The following WDR91 variants were observed in gnomAD, a reference collection of about 807,000 sequenced individuals.
The protein encoded by WDR91 is WD repeat-containing protein 91.
A neutral mutation model predicts 88.4 loss-of-function variants in WDR91; 52 were observed. The observed-to-expected ratio is 0.59, with a 90% CI of 0.47 to 0.74. WDR91 has a LOEUF of 0.74. Ranked by LOEUF, WDR91 falls within the 30% of genes least tolerant of loss-of-function variation. The probability of loss-of-function intolerance (pLI) is 0.00; values close to 1 mark genes in which losing one functional copy is unlikely to be tolerated. For synonymous variants in WDR91, 362 were observed against 389.5 expected (o/e 0.93, Z 0.83); for missense variants, 824 against 954.5 (o/e 0.86, Z 1.80).
chr7:135,191,315 A>G (rs1362467415), intron 11 of WDR91, among the ~76,000 whole-genome samples: 1 of 152,220 alleles, frequency 6.6e-6, no homozygotes, highest in African/African-American at 2.4e-5. Context: ...TAATTTTTTA[A>G]ATGTAAGGCA....
At chr7:135,186,461 A>T in intron 14 of WDR91, 146 bp from the exon 15 acceptor site, 1 of 891,976 alleles carries the variant, frequency 1.1e-6, no homozygotes, top group Non-Finnish European at 1.7e-6. Context: ...TTTTTGAACC[A>T]GGAAATGCTT....
chr7:135,211,526 T>C lies in WDR91; in HGVS notation c.-24A>G, dbSNP rs773034594. 2 of 1,607,924 alleles carry C rather than the reference T, an allele frequency of 1.2e-6. No individual in the cohort carries two copies. Among genetic ancestry groups the C allele is most frequent in the Non-Finnish European group, 8.5e-7 (1 of 1,177,860 alleles). On this transcript the variant is annotated 5_prime_UTR_variant, in exon 1 of 15. Coordinates refer to ENST00000354475, the MANE Select transcript of WDR91 (RefSeq NM_014149.4). ...ATCGCAGCGCTAGCGTCTTTAGGGG[T>C]GGTGCGGTGAGGGACGGAGGGGCGG...
rs1831683452 is a variant in WDR91 at position 135,204,348 on chromosome 7, T to A, written c.811A>T (p.Lys271Ter). Residue 271 changes from lysine (K) to a stop codon, truncating the protein, a stop_gained, in exon 6 of 15, where the codon AAG becomes TAG. Transcript: ENST00000354475. LOFTEE classifies it high-confidence loss of function. ...FLSSLLPQSK[K>*]SPSRLSPAQG... The stretch of plus-strand genomic sequence containing the variant: ...GCAGGCGACAACCTTGAGGGGCTCT[T>A]CTTACTCTGAGGCAGCAGCGAGGAC... 6.2e-7 allele frequency: 1 copy of A among 1,614,026 alleles called. No homozygotes were observed. The highest frequency in any genetic ancestry group is 1.3e-5 in the African/African-American group (1 of 74,914).
At position 135,185,270 on chromosome 7, in the gene WDR91, TAG is replaced by T. The variant is rs1354122701; in HGVS notation, c.*879_*880del. The T allele has an allele frequency of 2.0e-5, 3 of 152,236 alleles. No individual in the cohort carries two copies. The highest frequency in any genetic ancestry group is 2.9e-5 in the Non-Finnish European group (2 of 68,038). The allele number at this position is 152,236 out of a possible 1,614,324, so 9.4% of individuals were successfully genotyped here. On this transcript the variant is annotated 3_prime_UTR_variant, in exon 15 of 15. Transcript: ENST00000354475. ...GTACAAAATTATTTAAAATACTGTA[TAG>T]AGTTACCTTCAGGCTACATGTATAA...
rs1216126346 is a variant in WDR91 at position 135,184,109 on chromosome 7, C to T, written c.*2042G>A. The T allele has an allele frequency of 6.6e-6, 1 of 152,180 alleles. No individual in the cohort carries two copies. The highest frequency in any genetic ancestry group is 1.5e-5 in the Non-Finnish European group (1 of 68,030). 9.4% of individuals were successfully genotyped at this position (152,180 alleles called of 1,614,324 possible). A position where few individuals can be genotyped will look rare whatever the true frequency, so the allele number is the denominator to read the frequency against. On this transcript the variant is annotated 3_prime_UTR_variant, in exon 15 of 15. Coordinates refer to ENST00000354475, the MANE Select transcript of WDR91 (RefSeq NM_014149.4). ...GATAAGTAAGATCACTGTTTCAATA[C>T]AGATGGGGAAAGATAATAAATAAAG...
chr7:135,207,172 T>G lies in WDR91; in HGVS notation c.542A>C (p.Glu181Ala). 6.2e-7 allele frequency: 1 copy of G among 1,607,912 alleles called. No individual in the cohort carries two copies. Among genetic ancestry groups the G allele is most frequent in the Non-Finnish European group, 8.5e-7 (1 of 1,175,688 alleles). Residue 181 changes from glutamate (E) to alanine (A), a missense_variant, in exon 4 of 15, where the codon GAG becomes GCG. By Grantham distance (107) the Glu-to-Ala change is moderately radical (BLOSUM62 -1). Coordinates refer to ENST00000354475, the MANE Select transcript of WDR91 (RefSeq NM_014149.4). Reference protein sequence around the residue: ...PVPVILNFDAECQRTNQVQEE... With the variant: ...PVPVILNFDAACQRTNQVQEE... ...TTGAACCTGGTTAGTCCTCTGACAC[T>G]CCGCATCAAAGTTCAGGATCACAGG...
rs372265706 is a variant in WDR91, at chr7:135,206,047, C to T, written c.606G>A (p.Leu202=). Residue 202 remains leucine, a synonymous_variant, in exon 5 of 15, where the codon TTG becomes TTA. Coordinates refer to ENST00000354475, the MANE Select transcript of WDR91 (RefSeq NM_014149.4). ...NEVLRQKLFA[L]QAEIHRLKKE... ...TCTTCAGTCGGTGGATTTCAGCTTG[C>T]AATGCAAAAAGCTATACAGGGGTGG... 1 of 1,614,050 alleles carries T rather than the reference C, an allele frequency of 6.2e-7. No individual in the cohort carries two copies. The highest frequency in any genetic ancestry group is 1.3e-5 in the African/African-American group (1 of 74,924).
Position 135,186,094 on chromosome 7 carries a change from TCTC to T in WDR91, c.*54_*56del. On this transcript the variant is annotated 3_prime_UTR_variant, in exon 15 of 15. Coordinates refer to ENST00000354475, the MANE Select transcript of WDR91 (RefSeq NM_014149.4). ...GAGCACGTGGTTTTCCTGTCCTATA[TCTC>T]CTCCCCCCACCGCAGATAATACTGC... 1.3e-6 allele frequency: 2 copies of T among 1,523,146 alleles called. No homozygotes were observed. Among genetic ancestry groups the T allele is most frequent in the South Asian group, 2.6e-5 (2 of 77,340 alleles). 94.4% of individuals were successfully genotyped at this position (1,523,146 alleles called of 1,614,324 possible). A position where few individuals can be genotyped will look rare whatever the true frequency, so the allele number is the denominator to read the frequency against.
chr7:135,197,926 A>AG (rs1289765048), intron 7 of WDR91, 67 bp downstream of exon 7: 11 of 1,543,300 alleles, frequency 7.1e-6, no homozygotes, highest in Middle Eastern at 1.7e-4. Context: ...AGAGAAGAGA[A>AG]GACCCCCCAC....
intron 1 of WDR91, 99 bp downstream of exon 1, chr7:135,211,281 G>A (rs1340825399): frequency 4.1e-6 from 6 of 1,464,940 alleles, no homozygotes; most frequent in Non-Finnish European, 5.4e-6. Context: ...CGGCGCGAGT[G>A]ACAGCGCCGC....
chr7:135,189,675 G>A (rs1252612419), intron 11 of WDR91, among the ~76,000 whole-genome samples: 2 of 152,190 alleles, frequency 1.3e-5, no homozygotes, highest in Non-Finnish European at 2.9e-5. Flanking sequence ...GGTTTCCATA[G>A]AGAAATGATA....
rs186197878 is a variant in WDR91 at position 135,197,464 on chromosome 7, A to G, written c.1050+529T>C. On this transcript the variant is annotated intron_variant, in intron 7 of 14. Transcript: ENST00000354475. ...GAGCAGGCTGTGGCCCACACTGGCC[A>G]GTGAGGGGAGTCCCCAGAGCCCAGG... 716 of 152,570 alleles carry G rather than the reference A, an allele frequency of 4.7e-3. 9 individuals carry two copies. Among genetic ancestry groups the G allele is most frequent in the Middle Eastern group, 0.017 (5 of 298 alleles). 9.5% of individuals were successfully genotyped at this position (152,570 alleles called of 1,614,324 possible).
At chr7:135,198,340 T>C in intron 6 of WDR91, 189 bp from the exon 7 acceptor site, 2 of 596,322 alleles carry the variant, frequency 3.4e-6, no homozygotes, top group Admixed American at 6.2e-5. Flanking sequence ...TTCTGTCCTC[T>C]ACCCGTTAAG....
At position 135,207,019 on chromosome 7, in the gene WDR91, G is replaced by A. The variant is rs768273593; in HGVS notation, c.594+101C>T. On this transcript the variant is annotated intron_variant, in intron 4 of 14. Coordinates refer to ENST00000354475, the MANE Select transcript of WDR91 (RefSeq NM_014149.4). ...TTTCCATCTGAGAAATTAGGTAGTG[G>A]CAGTGGAAACCTGATTAATATAGTG... is the stretch of plus-strand genomic sequence containing the variant. 4 of 795,510 alleles carry A rather than the reference G, an allele frequency of 5.0e-6. No individual in the cohort carries two copies. In the African/African-American group the frequency reaches 5.3e-5, roughly 11 times the overall value. 49.3% of individuals were successfully genotyped at this position (795,510 alleles called of 1,614,324 possible).
rs1454858306 is a variant in WDR91 at position 135,185,397 on chromosome 7, C to A, written c.*754G>T. The stretch of plus-strand genomic sequence containing the variant: ...AAATATTCCAAAGTCTGAAAAAATC[C>A]AAAATCTGTAACACTCCTGTCCCAA... On this transcript the variant is annotated 3_prime_UTR_variant, in exon 15 of 15. Transcript: ENST00000354475. 6.6e-6 allele frequency: 1 copy of A among 152,022 alleles called. No individual in the cohort carries two copies. The highest frequency in any genetic ancestry group is 6.6e-5 in the Admixed American group (1 of 15,266). The allele number at this position is 152,022 out of a possible 1,614,324, so 9.4% of individuals were successfully genotyped here.
chr7:135,197,296 A>C (rs1831409919), intron 7 of WDR91: 1 of 152,280 alleles, frequency 6.6e-6, no homozygotes, highest in Non-Finnish European at 1.5e-5. Context: ...TAATGAGGAA[A>C]TACCTTTAAA....
chr7:135,207,246 C>T (rs753690278), intron 3 of WDR91, 44 bp from the exon 4 acceptor site: 87 of 1,541,276 alleles, frequency 5.6e-5, no homozygotes, highest in Non-Finnish European at 7.4e-5. Flanking sequence ...AATGTTTAAA[C>T]GTCCTTCCCA....
At chr7:135,204,586 A>AT in intron 5 of WDR91, 153 bp from the exon 6 acceptor site, 5 of 758,660 alleles carry the variant, frequency 6.6e-6, no homozygotes, top group Non-Finnish European at 4.1e-6. Context: ...CCTTGGCATC[A>AT]TTTTTTTGCA....
intron 9 of WDR91, 51 bp from the exon 10 acceptor site, chr7:135,193,723 A>C (rs1297633339): frequency 1.3e-6 from 2 of 1,535,576 alleles, no homozygotes; most frequent in Non-Finnish European, 9.0e-7. Context: ...AGTGAGGCTG[A>C]GTCAGGGAGG....
Sources: allele counts gnomAD v4.1 joint callset (sites outside exome capture counted in the v4.1 genomes callset), GRCh38; gene constraint gnomAD v4.1.1; transcripts MANE v1.5; gene names NCBI Gene and HGNC (gene_info 2026-07-23, HGNC 2026-07-21).